Variants in PLXDC2 observed in about 807,000 individuals in gnomAD.
The protein encoded by PLXDC2 is plexin domain-containing protein 2.
In PLXDC2, 40 loss-of-function variants were observed where a neutral mutation model predicts 68.9. The ratio of observed to expected loss-of-function variants is 0.58; its 90% CI spans 0.45 to 0.76. PLXDC2 has a LOEUF of 0.76. Among genes scored for constraint, PLXDC2 ranks in the 30% least tolerant of loss-of-function variants. The pLI, the probability that PLXDC2 is intolerant of heterozygous loss-of-function variation, is 0.00. For synonymous variants in PLXDC2, 243 were observed against 234.2 expected, an observed-to-expected ratio of 1.04 and a Z score of -0.34; for missense variants, 644 against 661.9, an observed-to-expected ratio of 0.97 and a Z score of 0.30.
chr10:20,118,384 G>A (rs1044979069), intron 4 of PLXDC2, among the ~76,000 whole-genome samples: 9 of 152,096 alleles, frequency 5.9e-5, no homozygotes, highest in Non-Finnish European at 1.3e-4. Context: ...GGGAGAGAAG[G>A]AGGAGTATAT....
chr10:20,203,843 T>A (rs930970869), intron 9 of PLXDC2, among the ~76,000 whole-genome samples: 1 of 152,150 alleles, frequency 6.6e-6, no homozygotes, highest in Admixed American at 6.6e-5. Flanking sequence ...CTGAAACTCA[T>A]CTCTAAAGCA....
chr10:19,819,408 A>AT (rs1363043322), intron 1 of PLXDC2, among the ~76,000 whole-genome samples: 1 of 152,224 alleles, frequency 6.6e-6, no homozygotes, highest in African/African-American at 2.4e-5. Flanking sequence ...TACTGAATAT[A>AT]TAAAAAAAGC....
chr10:19,970,379 A>G (rs1341124329), intron 1 of PLXDC2, among the ~76,000 whole-genome samples: 1 of 152,208 alleles, frequency 6.6e-6, no homozygotes, highest in Non-Finnish European at 1.5e-5. Flanking sequence ...GACAGATTAC[A>G]ATGACATTTC....
At chr10:20,257,997 C>CTTTTTTTTTTTTTTTT (rs550997528) in intron 13 of PLXDC2, among the ~76,000 whole-genome samples, 2 of 84,360 alleles carry the variant, frequency 2.4e-5, no homozygotes, top group African/African-American at 4.5e-5. Context: ...TTTTTTCTTT[C>CTTTTTTTTTTTTTTTT]TTTTTTTTTT....
At chr10:19,885,585 T>TC (rs1837829267) in intron 1 of PLXDC2, among the ~76,000 whole-genome samples, 1 of 151,974 alleles carries the variant, frequency 6.6e-6, no homozygotes, top group African/African-American at 2.4e-5. Context: ...TAGCCAGTTT[T>TC]CCCAGCACCG....
At chr10:20,129,115 T>G (rs1833830791) in intron 4 of PLXDC2, among the ~76,000 whole-genome samples, 1 of 152,158 alleles carries the variant, frequency 6.6e-6, no homozygotes, top group African/African-American at 2.4e-5. Flanking sequence ...GTATAAGAGT[T>G]CCCCTTTCTC....
At chr10:19,961,998 T>C (rs1213292525) in intron 1 of PLXDC2, among the ~76,000 whole-genome samples, 2 of 152,158 alleles carry the variant, frequency 1.3e-5, no homozygotes, top group African/African-American at 4.8e-5. Flanking sequence ...TGAAAGAAAA[T>C]GATACTGAAT....
At chr10:20,199,347 C>CA (rs1458128456) in intron 9 of PLXDC2, among the ~76,000 whole-genome samples, 6 of 151,414 alleles carry the variant, frequency 4.0e-5, no homozygotes, top group Admixed American at 1.3e-4. Context: ...ATTAAAGTAA[C>CA]AAAAAAGGCA....
chr10:20,069,036 T>C (rs1431211456), intron 4 of PLXDC2, among the ~76,000 whole-genome samples: 1 of 152,012 alleles, frequency 6.6e-6, no homozygotes, highest in Admixed American at 6.6e-5. Flanking sequence ...TGAAAGAAAT[T>C]CCATAGGTGT....
chr10:20,080,570 A>G (rs1177614547), intron 4 of PLXDC2, among the ~76,000 whole-genome samples: 1 of 152,216 alleles, frequency 6.6e-6, no homozygotes, highest in Non-Finnish European at 1.5e-5. Context: ...GATGAAGGCC[A>G]GAAGAGTCAG....
At chr10:20,039,717 A>C (rs1835644786) in intron 2 of PLXDC2, among the ~76,000 whole-genome samples, 1 of 152,328 alleles carries the variant, frequency 6.6e-6, no homozygotes, top group African/African-American at 2.4e-5. Flanking sequence ...AAAAGAAAAA[A>C]GTAGTTTGCA....
intron 1 of PLXDC2, among the ~76,000 whole-genome samples, chr10:19,987,356 A>C (rs1023648946): frequency 5.9e-5 from 9 of 152,116 alleles, no homozygotes; most frequent in African/African-American, 1.9e-4. Flanking sequence ...GTTTGTTAAA[A>C]GTTTGTCTAG....
At chr10:20,150,677 TG>T (rs1834141210) in intron 6 of PLXDC2, among the ~76,000 whole-genome samples, 1 of 152,224 alleles carries the variant, frequency 6.6e-6, no homozygotes, top group African/African-American at 2.4e-5. Flanking sequence ...TCAGTAAGTT[TG>T]GAGACTTAGG....
chr10:20,271,310 A>C (rs1835937955), intron 13 of PLXDC2, among the ~76,000 whole-genome samples: 1 of 152,166 alleles, frequency 6.6e-6, no homozygotes, highest in African/African-American at 2.4e-5. Context: ...ACCTTAGAGA[A>C]TGCAGTTTTA....
At chr10:19,964,869 G>C (rs770232791) in intron 1 of PLXDC2, among the ~76,000 whole-genome samples, 2 of 152,098 alleles carry the variant, frequency 1.3e-5, no homozygotes, top group Non-Finnish European at 2.9e-5. Context: ...CTCCCTCTGG[G>C]AGCAACCCAG....
intron 1 of PLXDC2, among the ~76,000 whole-genome samples, chr10:19,954,891 C>A (rs1047563401): frequency 3.9e-5 from 6 of 152,110 alleles, no homozygotes; most frequent in Admixed American, 2.6e-4. Flanking sequence ...CTTGCCCCCC[C>A]ATCCCTGTCG....
intron 1 of PLXDC2, among the ~76,000 whole-genome samples, chr10:19,866,221 T>G (rs1273065574): frequency 6.6e-6 from 1 of 152,180 alleles, no homozygotes; most frequent in Non-Finnish European, 1.5e-5. Flanking sequence ...CAACACAAAT[T>G]TATTGTCCTG....
chr10:20,100,027 A>G (rs1564315001), intron 4 of PLXDC2, among the ~76,000 whole-genome samples: 1 of 152,226 alleles, frequency 6.6e-6, no homozygotes, highest in Non-Finnish European at 1.5e-5. Flanking sequence ...TGAGTCTAAC[A>G]ACTTATTCCC....
chr10:19,973,678 C>T (rs1834399517), intron 1 of PLXDC2, among the ~76,000 whole-genome samples: 2 of 152,104 alleles, frequency 1.3e-5, no homozygotes, highest in South Asian at 2.1e-4. Context: ...GGAATTTTCC[C>T]TGTGATGATG....
Sources: gnomAD v4.1 joint callset for allele counts (sites outside exome capture counted in the v4.1 genomes callset) on GRCh38, gnomAD v4.1.1 for gene constraint, MANE v1.5 for transcripts, NCBI Gene and HGNC (gene_info 2026-07-23, HGNC 2026-07-21) for gene names.